ZNF26: variants seen among roughly 807,000 people sequenced by gnomAD.
The protein encoded by ZNF26 is zinc finger protein 26, also known as epididymis luminal protein 179.
ZNF26 carries 32 observed loss-of-function variants against 54.9 expected under a neutral mutation model. The observed-to-expected ratio is 0.58, with a 90% CI of 0.44 to 0.78. The LOEUF is 0.78. ZNF26 is among the 30% of genes least tolerant of loss of function. ZNF26 has a pLI of 0.00. For synonymous variants in ZNF26, 221 were observed against 209.2 expected (o/e 1.06, Z -0.49); for missense variants, 524 against 634.0 (o/e 0.83, Z 1.86).
Position 133,011,355 on chromosome 12 carries a change from T to C in ZNF26, c.1476T>C (p.Thr492=). ...FKCSECGKAF[T]QKSSLSEHQR... ...GCAGTGAATGTGGAAAAGCCTTCAC[T>C]CAGAAGTCATCTCTCAGTGAACATC... Residue 492 remains threonine (T), a synonymous_variant, in exon 4 of 4, where the codon ACT becomes ACC. Coordinates refer to ENST00000328654, the MANE Select transcript of ZNF26 (RefSeq NM_019591.4). 6.2e-7 allele frequency: 1 copy of C among 1,613,954 alleles called. No homozygotes were observed. Among genetic ancestry groups the C allele is most frequent in the Non-Finnish European group, 8.5e-7 (1 of 1,179,988 alleles).
At chr12:132,989,139 C>T (rs1447995150) in intron 1 of ZNF26, among the ~76,000 whole-genome samples, 1 of 143,792 alleles carries the variant, frequency 7.0e-6, no homozygotes, top group South Asian at 2.2e-4. Flanking sequence ...TGGGTTCAAG[C>T]GATTCTCCTG....
At chr12:133,009,482 C>G (rs1953420993) in intron 3 of ZNF26, among the ~76,000 whole-genome samples, 2 of 151,984 alleles carry the variant, frequency 1.3e-5, no homozygotes, top group Admixed American at 1.3e-4. Context: ...GTCCCAGCTA[C>G]TCAGGAATCT....
At chr12:132,999,738 G>T (rs1953170051) in intron 1 of ZNF26, among the ~76,000 whole-genome samples, 1 of 151,752 alleles carries the variant, frequency 6.6e-6, no homozygotes, top group African/African-American at 2.4e-5. Context: ...TTGTTGCCCA[G>T]GCTGGAGTGC....
In ZNF26 at chr12:133,018,404, A is replaced by G. The variant is rs1380945978; in HGVS notation, c.*6923A>G. The G allele has an allele frequency of 6.6e-6, 1 of 152,318 alleles. No individual in the cohort carries two copies. The highest frequency in any genetic ancestry group is 2.1e-4 in the South Asian group (1 of 4,830). The allele number at this position is 152,318 out of a possible 1,614,324, so 9.4% of individuals were successfully genotyped here. A position where few individuals can be genotyped will look rare whatever the true frequency, so the allele number is the denominator to read the frequency against. Reference sequence around the variant, plus strand: ...GGAATAATGGGTTTATAAAAGTCTTATTGGAATTAAGGTAGTATAAATCTG... The same window carrying G: ...GGAATAATGGGTTTATAAAAGTCTTGTTGGAATTAAGGTAGTATAAATCTG... On this transcript the variant is annotated 3_prime_UTR_variant, in exon 4 of 4. Transcript: ENST00000328654.
Position 133,007,043 on chromosome 12 carries a change from G to A in ZNF26, c.35G>A (p.Gly12Glu). ...TGAACAGGGTGTGTGTTATTTCAGGGATTATTGTCATTCAAGGATATATCT... is the reference window on the plus strand; with the variant it reads ...TGAACAGGGTGTGTGTTATTTCAGGAATTATTGTCATTCAAGGATATATCT... ...ATSFRTASCW[G>E]LLSFKDISME... The change falls in exon 2 of 4, where the codon GGA (glycine) becomes GAA (glutamate). Residue 12 changes from glycine to glutamate, a missense_variant and splice_region_variant. Physicochemically the swap from Gly to Glu is moderately conservative, Grantham distance 98 (BLOSUM62 -2). Transcript: ENST00000328654. 6.2e-7 allele frequency: 1 copy of A among 1,614,108 alleles called. No homozygotes were observed. The highest frequency in any genetic ancestry group is 1.1e-5 in the South Asian group (1 of 91,070).
chr12:132,994,314 C>T (rs1953026872), intron 1 of ZNF26, among the ~76,000 whole-genome samples: 2 of 152,202 alleles, frequency 1.3e-5, no homozygotes, highest in African/African-American at 4.8e-5. Context: ...GTTTGTTTGC[C>T]TTGTATCTTC....
intron 1 of ZNF26, among the ~76,000 whole-genome samples, chr12:132,993,052 T>G (rs1367260118): frequency 1.4e-5 from 2 of 145,912 alleles, no homozygotes; most frequent in African/African-American, 2.5e-5. Flanking sequence ...TGAGATGGAG[T>G]CTCACTTTCT....
intron 1 of ZNF26, among the ~76,000 whole-genome samples, chr12:132,999,782 C>T (rs1843509480): frequency 6.6e-6 from 1 of 151,912 alleles, no homozygotes; most frequent in African/African-American, 2.4e-5. Flanking sequence ...CAACCTCCAC[C>T]TCCTGGGTTC....
chr12:132,989,724 C>T, intron 1 of ZNF26, among the ~76,000 whole-genome samples: 1 of 152,176 alleles, frequency 6.6e-6, no homozygotes, highest in East Asian at 1.9e-4. Context: ...GTTTTTGGAA[C>T]AGGGATTCTC....
At position 133,014,659 on chromosome 12, in the gene ZNF26, C is replaced by G. The variant is rs961741046; in HGVS notation, c.*3178C>G. 1 of 151,992 alleles carries G rather than the reference C, an allele frequency of 6.6e-6. No homozygotes were observed. Among genetic ancestry groups the G allele is most frequent in the Non-Finnish European group, 1.5e-5 (1 of 68,232 alleles). 9.4% of individuals were successfully genotyped at this position (151,992 alleles called of 1,614,324 possible). A position where few individuals can be genotyped will look rare whatever the true frequency, so the allele number is the denominator to read the frequency against. ...CTCCTGGGTTCAAGCGATTCTCCTG[C>G]CTCAGCCTCCATAGTAGCTGGGATT... is the stretch of plus-strand genomic sequence containing the variant. On this transcript the variant is annotated 3_prime_UTR_variant, in exon 4 of 4. Transcript: ENST00000328654.
chr12:132,989,392 C>A (rs1357522926), intron 1 of ZNF26, among the ~76,000 whole-genome samples: 1 of 152,096 alleles, frequency 6.6e-6, no homozygotes, highest in African/African-American at 2.4e-5. Flanking sequence ...AGTTTTATTC[C>A]TTCCTTCACA....
At chr12:133,008,730 C>G (rs1037103629) in intron 3 of ZNF26, among the ~76,000 whole-genome samples, 6 of 141,826 alleles carry the variant, frequency 4.2e-5, no homozygotes, top group Non-Finnish European at 7.5e-5. Flanking sequence ...GAGCCGAGAT[C>G]GTGCCACTGC....
intron 1 of ZNF26, among the ~76,000 whole-genome samples, chr12:133,002,746 C>G (rs1334751324): frequency 1.3e-5 from 2 of 152,132 alleles, no homozygotes; most frequent in East Asian, 3.9e-4. Flanking sequence ...GTCTCAGCCT[C>G]CTGAGTAGCT....
chr12:132,992,147 C>CAA (rs60317056), intron 1 of ZNF26, among the ~76,000 whole-genome samples: 12 of 143,490 alleles, frequency 8.4e-5, no homozygotes, highest in African/African-American at 2.8e-4. Flanking sequence ...GACCCTATCT[C>CAA]AAAAAAAAAA....
Position 133,010,917 on chromosome 12 carries a change from T to C in ZNF26, c.1038T>C (p.Asp346=), listed in dbSNP as rs899759306. ...GAGAAAAACCCTATCAATGCAGTGA[T>C]TGTGGGAAAGCCTTCAATATGAAGA... ...HTGEKPYQCS[D]CGKAFNMKTQ... Residue 346 remains aspartate (D), a synonymous_variant, in exon 4 of 4, where the codon GAT becomes GAC. Transcript: ENST00000328654. The C allele has an allele frequency of 2.5e-5, 41 of 1,613,198 alleles. No individual in the cohort carries two copies. In the Admixed American group the frequency reaches 6.7e-4, roughly 26 times the overall value.
Position 133,007,474 on chromosome 12 carries a change from G to A in ZNF26, c.198G>A (p.Leu66=). ...HGTKPDLIFK[L]EQGEDPWIIN... is the part of the protein sequence containing the mutation. ...CCAAGCCTGACTTAATCTTCAAGTT[G>A]GAACAAGGAGAAGATCCATGGATAA... The change falls in exon 3 of 4, where the codon TTG becomes TTA. Residue 66 remains leucine (L), a synonymous_variant. Coordinates refer to ENST00000328654, the MANE Select transcript of ZNF26 (RefSeq NM_019591.4). The A allele has an allele frequency of 1.2e-6, 2 of 1,613,836 alleles. No homozygotes were observed. The highest frequency in any genetic ancestry group is 1.7e-6 in the Non-Finnish European group (2 of 1,179,840).
chr12:132,990,935 T>C (rs1952935656), intron 1 of ZNF26, among the ~76,000 whole-genome samples: 1 of 151,954 alleles, frequency 6.6e-6, no homozygotes, highest in African/African-American at 2.4e-5. Flanking sequence ...CATGGCTCAC[T>C]GCAACCTCTG....
At chr12:132,993,027 C>CT (rs71079156) in intron 1 of ZNF26, among the ~76,000 whole-genome samples, 1,370 of 129,416 alleles carry the variant, frequency 0.011, 37 homozygotes, top group African/African-American at 0.029. Flanking sequence ...ACTAGTATTT[C>CT]TTTTTTTTTT....
rs113149408 is a variant in ZNF26, at chr12:133,017,837, A to C, written c.*6356A>C. The C allele has an allele frequency of 1.3e-5, 2 of 152,110 alleles. No homozygotes were observed. The highest frequency in any genetic ancestry group is 1.9e-4 in the East Asian group (1 of 5,194). The allele number at this position is 152,110 out of a possible 1,614,324, so 9.4% of individuals were successfully genotyped here. A position where few individuals can be genotyped will look rare whatever the true frequency, so the allele number is the denominator to read the frequency against. ...ATCCTCACTAACATGGTGAAACCCC[A>C]TCTCTATTAAAAACACAAAAAATTA... On this transcript the variant is annotated 3_prime_UTR_variant, in exon 4 of 4. Transcript: ENST00000328654.
Sources: gnomAD v4.1 joint callset for allele counts (sites outside exome capture counted in the v4.1 genomes callset) on GRCh38, gnomAD v4.1.1 for gene constraint, MANE v1.5 for transcripts, NCBI Gene and HGNC (gene_info 2026-07-23, HGNC 2026-07-21) for gene names.